Variants in SSH2 observed in about 807,000 individuals in gnomAD.
The protein encoded by SSH2 is protein phosphatase Slingshot homolog 2.
A neutral mutation model predicts 135.2 loss-of-function variants in SSH2; 37 were observed. That is an observed-to-expected ratio of 0.27 (90% CI 0.21 to 0.36). SSH2 has a LOEUF of 0.36. SSH2 is among the 10% of genes least tolerant of loss of function. The pLI, the probability that SSH2 is intolerant of heterozygous loss-of-function variation, is 1.00. For synonymous variants in SSH2, 628 were observed against 646.2 expected (o/e 0.97, Z 0.43); for missense variants, 1,408 against 1,765.3 (o/e 0.80, Z 3.63).
chr17:29,883,576 A>G (rs2066178807), intron 1 of SSH2, among the ~76,000 whole-genome samples: 3 of 152,230 alleles, frequency 2.0e-5, no homozygotes, highest in African/African-American at 7.2e-5. Flanking sequence ...GATACACTTT[A>G]TAAGTTCTCC....
chr17:29,871,192 T>TG (rs1249904941), intron 1 of SSH2, among the ~76,000 whole-genome samples: 1 of 152,138 alleles, frequency 6.6e-6, no homozygotes, highest in Non-Finnish European at 1.5e-5. Flanking sequence ...TGTTTTTTTT[T>TG]TTCTCTTTAT....
chr17:29,783,477 C>T (rs1016783197), intron 3 of SSH2, among the ~76,000 whole-genome samples: 1 of 151,912 alleles, frequency 6.6e-6, no homozygotes, highest in African/African-American at 2.4e-5. Context: ...TGTTTGAGGG[C>T]AGGACGCATC....
chr17:29,703,104 G>A (rs774429298), intron 3 of SSH2, 42 bp from the exon 4 acceptor site: 2 of 1,415,608 alleles, frequency 1.4e-6, no homozygotes, highest in South Asian at 2.3e-5. Flanking sequence ...ACTTAGGAAA[G>A]GAAATCAAAG....
At chr17:29,690,835 T>C (rs1304683322) in intron 5 of SSH2, among the ~76,000 whole-genome samples, 3 of 152,110 alleles carry the variant, frequency 2.0e-5, no homozygotes, top group African/African-American at 7.2e-5. Flanking sequence ...TGATAAACTA[T>C]GAAGAAAGTA....
intron 9 of SSH2, among the ~76,000 whole-genome samples, chr17:29,667,490 A>C (rs1306768685): frequency 1.3e-5 from 2 of 152,188 alleles, no homozygotes; most frequent in Admixed American, 6.5e-5. Flanking sequence ...TGGCAGCATT[A>C]GATTCTCATA....
chr17:29,911,702 T>C (rs959667806), intron 1 of SSH2, among the ~76,000 whole-genome samples: 2 of 152,206 alleles, frequency 1.3e-5, no homozygotes, highest in Admixed American at 6.5e-5. Flanking sequence ...CAAGTCTCTA[T>C]ACCAGGACTT....
At chr17:29,696,778 A>C (rs1035013911) in intron 4 of SSH2, among the ~76,000 whole-genome samples, 2 of 150,476 alleles carry the variant, frequency 1.3e-5, no homozygotes, top group African/African-American at 4.9e-5. Flanking sequence ...TCCGCCTCCC[A>C]AGTTCACATC....
At chr17:29,635,685 G>C (rs529632100) in intron 15 of SSH2, among the ~76,000 whole-genome samples, 1 of 152,088 alleles carries the variant, frequency 6.6e-6, no homozygotes, top group South Asian at 2.1e-4. Flanking sequence ...TGGGATTACA[G>C]GTGTGAGCCA....
chr17:29,770,224 T>C (rs912327298), intron 3 of SSH2, among the ~76,000 whole-genome samples: 1 of 148,216 alleles, frequency 6.7e-6, no homozygotes, highest in African/African-American at 2.5e-5. Context: ...TTCTCATGCC[T>C]CAACCTCCTG....
intron 1 of SSH2, among the ~76,000 whole-genome samples, chr17:29,900,013 G>C (rs1414519456): frequency 6.6e-6 from 1 of 151,954 alleles, no homozygotes; most frequent in Non-Finnish European, 1.5e-5. Context: ...ACAAACCTGA[G>C]AAAAACAAGC....
intron 2 of SSH2, among the ~76,000 whole-genome samples, chr17:29,841,416 T>C (rs968675125): frequency 1.3e-5 from 2 of 152,214 alleles, no homozygotes; most frequent in African/African-American, 4.8e-5. Flanking sequence ...TTATACCTTA[T>C]GGAAAAGACA....
At chr17:29,920,144 G>A (rs1197650538) in intron 1 of SSH2, among the ~76,000 whole-genome samples, 2 of 152,058 alleles carry the variant, frequency 1.3e-5, no homozygotes, top group Non-Finnish European at 2.9e-5. Flanking sequence ...GACCTTATCT[G>A]CCCACCTCAG....
intron 1 of SSH2, 85 bp downstream of exon 1, chr17:29,929,853 C>G (rs2067151741): frequency 7.7e-7 from 1 of 1,305,016 alleles, no homozygotes; most frequent in African/African-American, 1.5e-5. Context: ...GCGGCGCGTG[C>G]GCAGTGGCGT....
chr17:29,645,745 T>G (rs2036342561), intron 14 of SSH2: 1 of 152,186 alleles, frequency 6.6e-6, no homozygotes. Flanking sequence ...CCCAAAGACC[T>G]ACAAATTATT....
chr17:29,754,748 C>A (rs1325608535), intron 3 of SSH2, among the ~76,000 whole-genome samples: 3 of 152,046 alleles, frequency 2.0e-5, no homozygotes, highest in Non-Finnish European at 2.9e-5. Context: ...CTCACTGCAA[C>A]CTCTGCCTCT....
chr17:29,637,504 G>A (rs1315839550), intron 14 of SSH2, among the ~76,000 whole-genome samples: 1 of 152,198 alleles, frequency 6.6e-6, no homozygotes, highest in Non-Finnish European at 1.5e-5. Context: ...ATATGGCCAG[G>A]TAAGGTGGCT....
At chr17:29,667,991 A>G (rs1329532406) in intron 9 of SSH2, among the ~76,000 whole-genome samples, 1 of 152,170 alleles carries the variant, frequency 6.6e-6, no homozygotes, top group Non-Finnish European at 1.5e-5. Context: ...ATGTAACTGG[A>G]TACTCCTCCT....
At position 29,631,955 on chromosome 17, in the gene SSH2, A is replaced by T. The variant is rs1567824693; in HGVS notation, c.3239T>A (p.Leu1080His). Residue 1080 changes from leucine (L) to histidine (H), a missense_variant, in exon 16 of 16, where the codon CTC (leucine) becomes CAC (histidine). Physicochemically the swap from Leu to His is moderately conservative, Grantham distance 99. This residue lies in a region of SSH2 where 1,080 missense variants were observed against 1,144.5 expected (regional missense o/e 0.94). Coordinates refer to ENST00000540801, the MANE Select transcript of SSH2 (RefSeq NM_001282129.2). ...GTTTAGATTTTCATCCAGTGTGCAG[A>T]GCACAGTGACAGATTTTTCCATGTT... ...KVNMEKSVTV[L>H]CTLDENLNRT... 4 of 1,614,086 alleles carry T rather than the reference A, an allele frequency of 2.5e-6. No homozygotes were observed. Among genetic ancestry groups the T allele is most frequent in the Non-Finnish European group, 3.4e-6 (4 of 1,180,032 alleles).
intron 4 of SSH2, among the ~76,000 whole-genome samples, chr17:29,701,613 C>G (rs2038986083): frequency 6.6e-6 from 1 of 151,958 alleles, no homozygotes; most frequent in Non-Finnish European, 1.5e-5. Flanking sequence ...CTCTGTTGCC[C>G]AGGCTGGTGT....
Sources: gnomAD v4.1 joint callset for allele counts (sites outside exome capture counted in the v4.1 genomes callset) on GRCh38, gnomAD v4.1.1 for gene constraint, gnomAD v4.1.1 regional missense constraint, MANE v1.5 for transcripts, NCBI Gene and HGNC (gene_info 2026-07-23, HGNC 2026-07-21) for gene names.